Variants in COG3 observed in about 807,000 individuals in gnomAD.
The protein encoded by COG3 is conserved oligomeric Golgi complex subunit 3.
In COG3, 32 loss-of-function variants were observed where a neutral mutation model predicts 114.1. The ratio of observed to expected loss-of-function variants is 0.28; its 90% confidence interval spans 0.21 to 0.38. The LOEUF is 0.38. Ranked by LOEUF, COG3 falls within the 10% of genes least tolerant of loss-of-function variation. The probability of loss-of-function intolerance (pLI) is 1.00; values close to 1 mark genes in which losing one functional copy is unlikely to be tolerated. For synonymous variants in COG3, 352 were observed against 365.7 expected, an observed-to-expected ratio of 0.96 and a Z score of 0.43; for missense variants, 813 against 973.2, an observed-to-expected ratio of 0.84 and a Z score of 2.19.
At position 45,535,495 on chromosome 13, in the gene COG3, A is replaced by G. The variant is rs1429028965; in HGVS notation, c.*764A>G. 2.2e-5 allele frequency: 22 copies of G among 985,388 alleles called. No homozygotes were observed. Among genetic ancestry groups the G allele is most frequent in the South Asian group, 1.9e-4 (4 of 21,296 alleles). The allele number at this position is 985,388 out of a possible 1,614,324, so 61.0% of individuals were successfully genotyped here. A position where few individuals can be genotyped will look rare whatever the true frequency, so the allele number is the denominator to read the frequency against. On this transcript the variant is annotated 3_prime_UTR_variant, in exon 23 of 23. Transcript: ENST00000349995. ...GTGTGTTTGTGAGTGCGAAGTACCA[A>G]TTAAGGTGTCTTAAATTTGGCGCAT...
intron 8 of COG3, 146 bp downstream of exon 8, chr13:45,486,721 G>A (rs1886692339): frequency 4.7e-6 from 3 of 633,314 alleles, no homozygotes; most frequent in Non-Finnish European, 8.6e-6. Context: ...TTATAGCAGT[G>A]TATCTTAGTG....
chr13:45,520,437 A>C (rs1210707252), intron 19 of COG3, among the ~76,000 whole-genome samples: 1 of 152,210 alleles, frequency 6.6e-6, no homozygotes, highest in Non-Finnish European at 1.5e-5. Context: ...TTATTTTCAA[A>C]TTTGACTAGT....
chr13:45,486,539 T>C lies in COG3; in HGVS notation c.888T>C (p.Phe296=), dbSNP rs1385809164. The C allele has an allele frequency of 6.2e-7, 1 of 1,611,392 alleles. No individual in the cohort carries two copies. The highest frequency in any genetic ancestry group is 8.5e-7 in the Non-Finnish European group (1 of 1,177,520). Residue 296 remains phenylalanine, a synonymous_variant, in exon 8 of 23, where the codon TTT becomes TTC. Transcript: ENST00000349995. ...VPNADNAFTL[F]YVKFRAAAPK... ...ATGCAGACAATGCCTTCACATTATT[T>C]TATGTGAAATTTCGAGCTGCTGCCC...
chr13:45,503,271 C>A lies in COG3; in HGVS notation c.1516C>A (p.Gln506Lys). Residue 506 changes from glutamine (Q) to lysine (K), a missense_variant, in exon 14 of 23, where the codon CAG becomes AAG. Coordinates refer to ENST00000349995, the MANE Select transcript of COG3 (RefSeq NM_031431.4). ...EQIAQSLKDE[Q>K]KKVPSEASFS... ...GATTGCACAGAGTTTGAAAGATGAA[C>A]AGAAGAAGGTACCTTCAGAAGCTTC... The A allele has an allele frequency of 6.3e-7, 1 of 1,598,892 alleles. No homozygotes were observed. The highest frequency in any genetic ancestry group is 8.6e-7 in the Non-Finnish European group (1 of 1,166,576).
At chr13:45,508,305 A>C (rs906934040) in intron 14 of COG3, among the ~76,000 whole-genome samples, 3 of 149,458 alleles carry the variant, frequency 2.0e-5, no homozygotes, top group Non-Finnish European at 4.4e-5. Context: ...TATACAGAAA[A>C]GTTGAAAGAA....
chr13:45,496,836 G>C (rs1047362054), intron 13 of COG3, among the ~76,000 whole-genome samples: 1 of 151,762 alleles, frequency 6.6e-6, no homozygotes, highest in Non-Finnish European at 1.5e-5. Flanking sequence ...ACCACACCCG[G>C]CTAATTTTTT....
intron 7 of COG3, among the ~76,000 whole-genome samples, chr13:45,484,923 TCA>T (rs1886487758): frequency 6.9e-6 from 1 of 145,798 alleles, no homozygotes; most frequent in African/African-American, 2.5e-5. Flanking sequence ...GGGGGTAAGG[TCA>T]CAGATCAACA....
At chr13:45,527,895 T>C (rs776626675) in intron 20 of COG3, among the ~76,000 whole-genome samples, 16 of 152,182 alleles carry the variant, frequency 1.1e-4, no homozygotes, top group Admixed American at 3.9e-4. Flanking sequence ...CCTGAGAATG[T>C]CAGCGGCATT....
Position 45,521,577 on chromosome 13 carries a change from G to GCACACACACACACACA in COG3, c.2154+2493_2154+2508dup, listed in dbSNP as rs3084002. On this transcript the variant is annotated intron_variant, in intron 19 of 22. Coordinates refer to ENST00000349995, the MANE Select transcript of COG3 (RefSeq NM_031431.4). ...GAGTCAGAGACAAAGATACATACGT[G>GCACACACACACACACA]CACACACACACACACACACACACAC... 2.7e-4 allele frequency among the ~76,000 whole-genome samples: 40 copies of GCACACACACACACACA among 148,480 alleles called. 1 individual carries two copies. The highest frequency in any genetic ancestry group is 9.3e-4 in the African/African-American group (38 of 40,660).
intron 20 of COG3, among the ~76,000 whole-genome samples, chr13:45,526,076 A>ATGTTTTTT (rs1872655931): frequency 1.8e-5 from 1 of 56,572 alleles, no homozygotes; most frequent in Non-Finnish European, 3.0e-5. Flanking sequence ...CAAAATTTTA[A>ATGTTTTTT]TTTTTTTTTT....
chr13:45,521,770 T>C (rs1015153236), intron 19 of COG3, among the ~76,000 whole-genome samples: 1 of 151,526 alleles, frequency 6.6e-6, no homozygotes, highest in Non-Finnish European at 1.5e-5. Context: ...TACCTGCAAG[T>C]GCAGAATCTC....
At chr13:45,489,610 A>G (rs1194719340) in intron 8 of COG3, among the ~76,000 whole-genome samples, 1 of 152,208 alleles carries the variant, frequency 6.6e-6, no homozygotes, top group East Asian at 1.9e-4. Context: ...CATTTATATC[A>G]GTGACAAAAA....
chr13:45,488,756 T>C (rs1566250082), intron 8 of COG3, among the ~76,000 whole-genome samples: 1 of 152,214 alleles, frequency 6.6e-6, no homozygotes, highest in Admixed American at 6.5e-5. Context: ...ATATATGTTA[T>C]ATTTTATAAC....
At chr13:45,492,963 C>T (rs905318852) in intron 11 of COG3, among the ~76,000 whole-genome samples, 6 of 152,096 alleles carry the variant, frequency 3.9e-5, no homozygotes, top group South Asian at 2.1e-4. Flanking sequence ...TGTCTTTCCT[C>T]GGGGAAAAAG....
At chr13:45,501,655 G>A (rs1869548942) in intron 13 of COG3, among the ~76,000 whole-genome samples, 2 of 152,084 alleles carry the variant, frequency 1.3e-5, no homozygotes, top group Non-Finnish European at 2.9e-5. Flanking sequence ...AAGAGATCTG[G>A]GCATTAGGTG....
At chr13:45,509,577 G>T in intron 14 of COG3, 115 bp from the exon 15 acceptor site, 1 of 1,281,968 alleles carries the variant, frequency 7.8e-7, no homozygotes. Flanking sequence ...AAAAATTGGT[G>T]CCCTCTAGCT....
intron 15 of COG3, among the ~76,000 whole-genome samples, chr13:45,510,610 A>G (rs1281870807): frequency 1.3e-5 from 2 of 152,234 alleles, no homozygotes; most frequent in African/African-American, 4.8e-5. Flanking sequence ...GACTCTAGGA[A>G]ATAAAACCTC....
chr13:45,509,732 T>G lies in COG3; in HGVS notation c.1635T>G (p.Ile545Met). ...ESLNPRPQTT[I>M]SPADLHGMWY... ...TCAATCCTAGACCACAGACCACAAT[T>G]TCTCCAGCAGATCTTCATGGAATGT... The change falls in exon 15 of 23, where the codon ATT becomes ATG. Residue 545 changes from isoleucine to methionine, a missense_variant. Ile to Met is a conservative substitution (Grantham distance 10, BLOSUM62 1). Around this residue, in one of 2 missense-constraint regions of COG3, gnomAD observed 389 missense variants for 542.6 expected, o/e 0.72. Transcript: ENST00000349995. 1 of 1,614,136 alleles carries G rather than the reference T, an allele frequency of 6.2e-7. No homozygotes were observed. Among genetic ancestry groups the G allele is most frequent in the Non-Finnish European group, 8.5e-7 (1 of 1,179,986 alleles).
In COG3 at chr13:45,503,366, T is replaced by C; in HGVS notation, c.1594+17T>C. On this transcript the variant is annotated intron_variant, in intron 14 of 22. Coordinates refer to ENST00000349995, the MANE Select transcript of COG3 (RefSeq NM_031431.4). ...CAAAATCTGGTATGTTATGATGTCT[T>C]AACTGCCAGCATTTATTCATTTGGG... 1 of 1,250,964 alleles carries C rather than the reference T, an allele frequency of 8.0e-7. No individual in the cohort carries two copies. The allele number at this position is 1,250,964 out of a possible 1,614,324, so 77.5% of individuals were successfully genotyped here.
Sources: allele counts gnomAD v4.1 joint callset (sites outside exome capture counted in the v4.1 genomes callset), GRCh38; gene constraint gnomAD v4.1.1; regional missense constraint gnomAD v4.1.1; transcripts MANE v1.5; gene names NCBI Gene and HGNC (gene_info 2026-07-23, HGNC 2026-07-21).